DACH1: variants seen among roughly 807,000 people sequenced by gnomAD.
DACH1 encodes dachshund family transcription factor 1.
A neutral mutation model predicts 54.2 loss-of-function variants in DACH1; 12 were observed. The observed-to-expected ratio is 0.22, with a 90% confidence interval of 0.14 to 0.36. The LOEUF (loss-of-function observed/expected upper bound fraction) is 0.36, where lower values mean the gene tolerates loss of function less well. Ranked by LOEUF, DACH1 falls within the 10% of genes least tolerant of loss-of-function variation. DACH1 has a pLI of 1.00. For synonymous variants in DACH1, 386 were observed against 366.2 expected (o/e 1.05, Z -0.62); for missense variants, 805 against 929.8 (o/e 0.87, Z 1.75).
intron 1 of DACH1, among the ~76,000 whole-genome samples, chr13:71,748,915 T>TCC (rs1884782463): frequency 8.0e-5 from 3 of 37,478 alleles, no homozygotes; most frequent in African/African-American, 1.9e-4. Flanking sequence ...TTTCTTTCTT[T>TCC]CTTTCTTTCT....
At chr13:71,664,144 A>G (rs1352208889) in intron 2 of DACH1, among the ~76,000 whole-genome samples, 1 of 152,008 alleles carries the variant, frequency 6.6e-6, no homozygotes, top group Non-Finnish European at 1.5e-5. Flanking sequence ...CTTTCTCACC[A>G]CTAGAATTGT....
At chr13:71,488,106 A>G (rs1162620690) in intron 7 of DACH1, among the ~76,000 whole-genome samples, 1 of 152,196 alleles carries the variant, frequency 6.6e-6, no homozygotes, top group African/African-American at 2.4e-5. Context: ...AAAATTAATT[A>G]CATTTCCACT....
intron 1 of DACH1, among the ~76,000 whole-genome samples, chr13:71,784,888 A>G (rs1009516640): frequency 2.6e-5 from 4 of 152,176 alleles, no homozygotes; most frequent in African/African-American, 4.8e-5. Flanking sequence ...CTGTTCTAAG[A>G]CTTCAGCAAT....
intron 10 of DACH1, among the ~76,000 whole-genome samples, chr13:71,467,547 TAAA>T (rs200511669): frequency 6.6e-6 from 1 of 150,958 alleles, no homozygotes; most frequent in African/African-American, 2.4e-5. Context: ...TATGCTGAAA[TAAA>T]AAAAATTCTA....
chr13:71,634,034 G>T (rs113282873), intron 2 of DACH1, among the ~76,000 whole-genome samples: 17 of 149,788 alleles, frequency 1.1e-4, no homozygotes, highest in Non-Finnish European at 1.8e-4. Flanking sequence ...GTGCAATGGC[G>T]TGATCTCTGC....
At chr13:71,701,804 G>C (rs1391487675) in intron 1 of DACH1, among the ~76,000 whole-genome samples, 1 of 152,110 alleles carries the variant, frequency 6.6e-6, no homozygotes, top group Admixed American at 6.5e-5. Flanking sequence ...TTCATGATGA[G>C]GTGTGAAGGT....
At chr13:71,846,750 A>G (rs1290373664) in intron 1 of DACH1, among the ~76,000 whole-genome samples, 3 of 152,240 alleles carry the variant, frequency 2.0e-5, no homozygotes, top group African/African-American at 7.2e-5. Context: ...CTTGTCAGGT[A>G]CTAGCTGTCA....
chr13:71,806,223 CT>C (rs546391395), intron 1 of DACH1, among the ~76,000 whole-genome samples: 221 of 152,224 alleles, frequency 1.5e-3, no homozygotes, highest in African/African-American at 5.2e-3. Flanking sequence ...AAATCTGAGG[CT>C]ATTTGAGGAA....
At chr13:71,848,279 T>G (rs1451461394) in intron 1 of DACH1, among the ~76,000 whole-genome samples, 3 of 152,308 alleles carry the variant, frequency 2.0e-5, no homozygotes, top group East Asian at 3.9e-4. Context: ...CTCAAAAATT[T>G]AACCATGTTA....
At chr13:71,756,290 G>A (rs554599420) in intron 1 of DACH1, among the ~76,000 whole-genome samples, 10 of 151,674 alleles carry the variant, frequency 6.6e-5, no homozygotes, top group African/African-American at 2.4e-4. Flanking sequence ...TGATCTGCCC[G>A]CCTTGGCCTC....
intron 3 of DACH1, among the ~76,000 whole-genome samples, chr13:71,618,629 T>G (rs542779099): frequency 4.5e-4 from 66 of 146,308 alleles, no homozygotes; most frequent in African/African-American, 6.4e-4. Flanking sequence ...AGAATTAGGG[T>G]TTTTTTTTAA....
chr13:71,509,239 C>T (rs545173624), intron 6 of DACH1, among the ~76,000 whole-genome samples: 1 of 152,094 alleles, frequency 6.6e-6, no homozygotes, highest in South Asian at 2.1e-4. Flanking sequence ...CTGATACAAC[C>T]TCTGTCTCTA....
intron 6 of DACH1, among the ~76,000 whole-genome samples, chr13:71,519,012 T>C (rs954391680): frequency 1.3e-5 from 2 of 151,938 alleles, no homozygotes; most frequent in African/African-American, 4.8e-5. Context: ...ACCATATACA[T>C]CTGGTTTCTC....
intron 1 of DACH1, among the ~76,000 whole-genome samples, chr13:71,836,102 A>G (rs1594281063): frequency 6.6e-6 from 1 of 152,156 alleles, no homozygotes; most frequent in East Asian, 1.9e-4. Flanking sequence ...TATCTTGCTC[A>G]ATAATTGCCT....
At chr13:71,470,491 C>A (rs1473963526) in intron 10 of DACH1, among the ~76,000 whole-genome samples, 1 of 151,864 alleles carries the variant, frequency 6.6e-6, no homozygotes, top group African/African-American at 2.4e-5. Flanking sequence ...CCATGCCCGG[C>A]CCATTTCTTA....
intron 6 of DACH1, among the ~76,000 whole-genome samples, chr13:71,499,136 G>GACACAC (rs3075798): frequency 0.058 from 8,598 of 149,136 alleles, 365 homozygotes; most frequent in African/African-American, 0.12. Context: ...CACACACGCA[G>GACACAC]ACACACACAC....
At chr13:71,865,356 T>C (rs6562683) in intron 1 of DACH1, among the ~76,000 whole-genome samples, 95,799 of 151,950 alleles carry the variant, frequency 0.63, 31,980 homozygotes, top group Middle Eastern at 0.83. Context: ...CGGGTGCTGG[T>C]CCGCTCCCTC....
In DACH1 at chr13:71,760,774, TTCTC is replaced by T. The variant is rs544024968; in HGVS notation, c.849-78868_849-78865del. Among the ~76,000 whole-genome samples the T allele has an allele frequency of 9.2e-5, 14 of 152,310 alleles. No homozygotes were observed. In the South Asian group the frequency reaches 2.1e-3, roughly 23 times the overall value. The stretch of plus-strand genomic sequence containing the variant: ...GTTATCAAAATTCTATGTGTCTTTT[TTCTC>T]TCTCTCTTTATTTCTCTTGGTTTTT... On this transcript the variant is annotated intron_variant, in intron 1 of 10. Transcript: ENST00000613252.
chr13:71,725,212 C>T (rs1243159887), intron 1 of DACH1, among the ~76,000 whole-genome samples: 1 of 152,096 alleles, frequency 6.6e-6, no homozygotes, highest in Non-Finnish European at 1.5e-5. Flanking sequence ...AACCATGTTT[C>T]TCAAAAGGCA....
Sources: gnomAD v4.1 joint callset for allele counts (sites outside exome capture counted in the v4.1 genomes callset) on GRCh38, gnomAD v4.1.1 for gene constraint, MANE v1.5 for transcripts, NCBI Gene and HGNC (gene_info 2026-07-23, HGNC 2026-07-21) for gene names.